The following ACOXL variants were observed in gnomAD, a reference collection of about 807,000 sequenced individuals.
ACOXL encodes the protein acyl-coenzyme A oxidase-like protein.
A neutral mutation model predicts 71.9 loss-of-function variants in ACOXL; 70 were observed. The observed-to-expected ratio is 0.97, with a 90% CI of 0.80 to 1.19. The LOEUF (loss-of-function observed/expected upper bound fraction) is 1.19. Ranked by LOEUF, ACOXL falls within the 50% of genes most tolerant of loss-of-function variation. The pLI is 0.00. For missense variants in ACOXL, 703 were observed against 736.3 expected (o/e 0.95, Z 0.52); for synonymous variants, 253 against 281.6 (o/e 0.90, Z 1.02).
chr2:110,900,076 CACACACACAT>C lies in ACOXL; in HGVS notation c.789-8703_789-8694del, dbSNP rs1301245794. ...GGTGCTGTTAGAAAGCTTTTCAACA[CACACACACAT>C]ACACACACACACACACACACACACA... On this transcript the variant is annotated intron_variant, in intron 10 of 17. Transcript: ENST00000439055. Among the ~76,000 whole-genome samples the C allele has an allele frequency of 3.4e-3, 442 of 129,748 alleles. 2 individuals are homozygous for C. The highest frequency in any genetic ancestry group is 0.011 in the African/African-American group (395 of 34,682). The allele number at this position is 129,748 out of a possible 152,430, so 85.1% of individuals were successfully genotyped here.
intron 10 of ACOXL, among the ~76,000 whole-genome samples, chr2:110,893,473 T>A (rs1435563752): frequency 6.6e-6 from 1 of 152,180 alleles, no homozygotes; most frequent in African/African-American, 2.4e-5. Context: ...TAGGAATGTA[T>A]TAAGATAGGC....
At chr2:110,995,733 G>A (rs1218903672) in intron 13 of ACOXL, among the ~76,000 whole-genome samples, 160 bp from the exon 14 acceptor site, 1 of 151,802 alleles carries the variant, frequency 6.6e-6, no homozygotes, top group Non-Finnish European at 1.5e-5. Flanking sequence ...AAAGAATTAT[G>A]AATACAGTCA....
At chr2:110,752,785 C>T (rs982582381) in intron 1 of ACOXL, among the ~76,000 whole-genome samples, 6 of 152,000 alleles carry the variant, frequency 3.9e-5, no homozygotes, top group Non-Finnish European at 8.8e-5. Flanking sequence ...TAACAAATTA[C>T]TCCAAAATTT....
intron 12 of ACOXL, among the ~76,000 whole-genome samples, chr2:110,970,367 T>C (rs1433168607): frequency 6.6e-6 from 1 of 152,108 alleles, no homozygotes; most frequent in Non-Finnish European, 1.5e-5. Context: ...ATCCACCACA[T>C]CAACAGACTA....
chr2:110,912,088 A>G (rs2059671004), intron 11 of ACOXL, among the ~76,000 whole-genome samples: 1 of 152,056 alleles, frequency 6.6e-6, no homozygotes. Flanking sequence ...AAAAGAATAA[A>G]ATACTTAAGG....
intron 14 of ACOXL, among the ~76,000 whole-genome samples, chr2:111,018,282 T>C (rs182911886): frequency 3.3e-5 from 5 of 152,082 alleles, no homozygotes; most frequent in Admixed American, 2.6e-4. Flanking sequence ...GCTTGGTGCA[T>C]AGGGGCTAGG....
intron 10 of ACOXL, among the ~76,000 whole-genome samples, chr2:110,846,641 G>GCGCGCGCA (rs148602789): frequency 7.6e-4 from 105 of 138,034 alleles, no homozygotes; most frequent in African/African-American, 2.8e-3. Context: ...ATGCATACAC[G>GCGCGCGCA]CACACACACA....
rs116074633 is a variant in ACOXL at position 111,052,649 on chromosome 2, G to A, written c.1440+3361G>A. Among the ~76,000 whole-genome samples the A allele has an allele frequency of 5.3e-3, 814 of 152,208 alleles. 11 individuals carry two copies. Among genetic ancestry groups the A allele is most frequent in the African/African-American group, 0.019 (780 of 41,526 alleles). Reference sequence around the variant, plus strand: ...ATAAATTACTCATTTGACCCTGTTCGCGTTTGATCTCCATACCTACCTGTT... The same window carrying A: ...ATAAATTACTCATTTGACCCTGTTCACGTTTGATCTCCATACCTACCTGTT... On this transcript the variant is annotated intron_variant, in intron 16 of 17. Coordinates refer to ENST00000439055, the MANE Select transcript of ACOXL (RefSeq NM_001142807.4).
Position 110,818,417 on chromosome 2 carries a change from A to G in ACOXL, c.753+13022A>G, listed in dbSNP as rs1473069027. On this transcript the variant is annotated intron_variant, in intron 9 of 17. Coordinates refer to ENST00000439055, the MANE Select transcript of ACOXL (RefSeq NM_001142807.4). ...TCAAAAAAAAAAAAAAAACATATATATATATATGTGTGTGTGTGTGTGTGT... is the reference window on the plus strand; with the variant it reads ...TCAAAAAAAAAAAAAAAACATATATGTATATATGTGTGTGTGTGTGTGTGT... Among the ~76,000 whole-genome samples, 312 of 139,314 alleles carry G rather than the reference A, an allele frequency of 2.2e-3. 2 individuals are homozygous for G. The highest frequency in any genetic ancestry group is 8.4e-3 in the African/African-American group (297 of 35,276). The allele number at this position is 139,314 out of a possible 152,430, so 91.4% of individuals were successfully genotyped here.
At chr2:110,847,147 C>T (rs1411755358) in intron 10 of ACOXL, among the ~76,000 whole-genome samples, 1 of 151,932 alleles carries the variant, frequency 6.6e-6, no homozygotes, top group Non-Finnish European at 1.5e-5. Flanking sequence ...GCCCCATCAC[C>T]CACACAGTGG....
chr2:110,909,961 C>T (rs1334411207), intron 11 of ACOXL, among the ~76,000 whole-genome samples: 1 of 152,048 alleles, frequency 6.6e-6, no homozygotes, highest in East Asian at 1.9e-4. Context: ...CGTCTCTTAC[C>T]TAAAATGTTT....
At chr2:110,853,247 G>T (rs1291234551) in intron 10 of ACOXL, among the ~76,000 whole-genome samples, 1 of 152,164 alleles carries the variant, frequency 6.6e-6, no homozygotes, top group Non-Finnish European at 1.5e-5. Context: ...TGGCAGCTAC[G>T]GTGGAGAGGC....
At position 110,908,832 on chromosome 2, in the gene ACOXL, A is replaced by C. The variant is rs1346321790; in HGVS notation, c.832A>C (p.Ile278Leu). Residue 278 changes from isoleucine (I) to leucine (L), a missense_variant, in exon 11 of 18, where the codon ATT becomes CTT. Transcript: ENST00000439055. Reference protein sequence around the residue: ...GPKTKEEVKIIEHQTQTLRLM... With the variant: ...GPKTKEEVKILEHQTQTLRLM... The stretch of plus-strand genomic sequence containing the variant: ...CAAAACCAAGGAAGAGGTGAAGATC[A>C]TTGAGCACCAAACACAGACCCTGCG... The C allele has an allele frequency of 4.3e-6, 7 of 1,614,200 alleles. No individual in the cohort carries two copies. The highest frequency in any genetic ancestry group is 5.9e-6 in the Non-Finnish European group (7 of 1,180,026).
chr2:110,762,438 G>T, intron 1 of ACOXL, among the ~76,000 whole-genome samples: 1 of 151,064 alleles, frequency 6.6e-6, no homozygotes, highest in South Asian at 2.1e-4. Flanking sequence ...CCTTCCTGTA[G>T]ATTATTTGAA....
chr2:110,739,971 C>T (rs1383889764), intron 1 of ACOXL, among the ~76,000 whole-genome samples: 1 of 152,124 alleles, frequency 6.6e-6, no homozygotes, highest in East Asian at 1.9e-4. Flanking sequence ...GTTCTGATAT[C>T]CAGAACTTGT....
chr2:110,998,237 T>G (rs1420554808), intron 14 of ACOXL, among the ~76,000 whole-genome samples: 1 of 152,206 alleles, frequency 6.6e-6, no homozygotes, highest in Non-Finnish European at 1.5e-5. Flanking sequence ...TTGTTCTGAC[T>G]TTAGTAATTA....
At chr2:110,778,395 T>C (rs1044910442) in intron 2 of ACOXL, among the ~76,000 whole-genome samples, 1 of 152,218 alleles carries the variant, frequency 6.6e-6, no homozygotes, top group African/African-American at 2.4e-5. Flanking sequence ...CCAAAAATAA[T>C]GCATATCCCA....
intron 2 of ACOXL, among the ~76,000 whole-genome samples, chr2:110,782,176 A>G (rs986860213): frequency 3.3e-5 from 5 of 152,258 alleles, no homozygotes; most frequent in Non-Finnish European, 5.9e-5. Flanking sequence ...AAATGAAGGC[A>G]GCTATTGATA....
chr2:111,103,008 G>C (rs998151993), intron 17 of ACOXL, among the ~76,000 whole-genome samples: 1 of 152,118 alleles, frequency 6.6e-6, no homozygotes, highest in Non-Finnish European at 1.5e-5. Context: ...TAGCACATAG[G>C]GGCCAAGCGC....
Sources: gnomAD v4.1 joint callset for allele counts (sites outside exome capture counted in the v4.1 genomes callset) on GRCh38, gnomAD v4.1.1 for gene constraint, MANE v1.5 for transcripts, NCBI Gene and HGNC (gene_info 2026-07-23, HGNC 2026-07-21) for gene names.